EMID1: variants seen among roughly 807,000 people sequenced by gnomAD.
EMID1 encodes the protein EMI domain-containing protein 1.
Under a neutral mutation model 60.6 loss-of-function variants are expected in EMID1, and 40 were observed. The ratio of observed to expected loss-of-function variants is 0.66; its 90% CI spans 0.51 to 0.86. The LOEUF is 0.86. Ranked by LOEUF, EMID1 falls within the 40% of genes least tolerant of loss-of-function variation. EMID1 has a pLI of 0.00. For synonymous variants in EMID1, 242 were observed against 231.0 expected (o/e 1.05, Z -0.43); for missense variants, 585 against 597.1 (o/e 0.98, Z 0.21).
intron 14 of EMID1, chr22:29,255,416 G>A: frequency 7.6e-7 from 1 of 1,320,080 alleles, no homozygotes; most frequent in Non-Finnish European, 1.0e-6. Flanking sequence ...GCCTGGAAAA[G>A]GCCTGGGCAT....
intron 12 of EMID1, among the ~76,000 whole-genome samples, chr22:29,237,534 CACGCCT>C (rs2040998747): frequency 6.9e-6 from 1 of 143,934 alleles, no homozygotes; most frequent in Non-Finnish European, 1.5e-5. Flanking sequence ...CACGGTGGCT[CACGCCT>C]ATAATCCCAG....
intron 3 of EMID1, among the ~76,000 whole-genome samples, chr22:29,222,754 T>C (rs1347481446): frequency 6.6e-6 from 1 of 152,178 alleles, no homozygotes; most frequent in Non-Finnish European, 1.5e-5. Context: ...GTTTGCTTGC[T>C]CAAAATTTAT....
intron 1 of EMID1, among the ~76,000 whole-genome samples, chr22:29,210,168 C>T (rs13054918): frequency 0.045 from 6,854 of 152,044 alleles, 239 homozygotes; most frequent in African/African-American, 0.088. Context: ...TCTGGCTAGC[C>T]GGCCACCAGC....
At chr22:29,207,932 C>G (rs1216392640) in intron 1 of EMID1, among the ~76,000 whole-genome samples, 2 of 152,312 alleles carry the variant, frequency 1.3e-5, no homozygotes, top group African/African-American at 4.8e-5. Flanking sequence ...CAGCCTTGGA[C>G]AGAATGGAGA....
intron 12 of EMID1, among the ~76,000 whole-genome samples, chr22:29,243,020 A>T (rs891463755): frequency 1.3e-5 from 2 of 152,144 alleles, no homozygotes; most frequent in African/African-American, 4.8e-5. Context: ...AGGAACATTT[A>T]TGCAGATTTA....
At chr22:29,234,101 C>A (rs1454712585) in intron 10 of EMID1, 36 bp from the exon 11 acceptor site, 1 of 1,557,960 alleles carries the variant, frequency 6.4e-7, no homozygotes, top group Non-Finnish European at 8.7e-7. Flanking sequence ...TCCATCCTGC[C>A]CCAACACAAG....
chr22:29,231,489 C>A, intron 6 of EMID1, 104 bp from the exon 7 acceptor site: 2 of 1,229,420 alleles, frequency 1.6e-6, no homozygotes, highest in Non-Finnish European at 2.3e-6. Flanking sequence ...GTGTGAGGGT[C>A]CCGCTGCTTC....
rs559240897 is a variant in EMID1, at chr22:29,218,688, C to T, written c.319+3058C>T. ...CAATGCCAGGGCCATGTCAGGAGGG[C>T]GGGCCGAGCCCCACAATCACCTTTT... On this transcript the variant is annotated intron_variant, in intron 3 of 14. Transcript: ENST00000334018. 3.2e-4 allele frequency among the ~76,000 whole-genome samples: 49 copies of T among 152,326 alleles called. No individual in the cohort carries two copies. The South Asian group carries it at 9.1e-3, about 28-fold the overall frequency.
intron 10 of EMID1, 157 bp from the exon 11 acceptor site, chr22:29,233,980 C>G (rs2040847495): frequency 1.3e-6 from 1 of 790,050 alleles, no homozygotes; most frequent in Middle Eastern, 3.6e-4. Flanking sequence ...TCTTTTAACA[C>G]TGAGCTGTAT....
chr22:29,255,825 T>C (rs2041686637), intron 14 of EMID1, among the ~76,000 whole-genome samples: 1 of 149,620 alleles, frequency 6.7e-6, no homozygotes, highest in Admixed American at 6.6e-5. Flanking sequence ...CTGGGGAGAG[T>C]GAACAGGCAG....
At chr22:29,255,074 C>T (rs2041653949) in intron 14 of EMID1, among the ~76,000 whole-genome samples, 3 of 152,162 alleles carry the variant, frequency 2.0e-5, no homozygotes, top group Admixed American at 1.3e-4. Context: ...ACTCTCCACC[C>T]ATGTGGTTAT....
chr22:29,244,988 A>G (rs1436163437), intron 13 of EMID1, among the ~76,000 whole-genome samples: 2 of 152,052 alleles, frequency 1.3e-5, no homozygotes, highest in East Asian at 1.9e-4. Context: ...GTTAGTGAGG[A>G]TGTGGGTGGC....
At chr22:29,243,346 T>G in intron 12 of EMID1, 99 bp from the exon 13 acceptor site, 3 of 1,209,918 alleles carry the variant, frequency 2.5e-6, no homozygotes, top group African/African-American at 1.5e-5. Context: ...TTCTCTAAGT[T>G]TCTCTCCCTT....
Position 29,211,580 on chromosome 22 carries a change from CTG to C in EMID1, c.102-3338_102-3337del, listed in dbSNP as rs2039885404. Among the ~76,000 whole-genome samples the C allele has an allele frequency of 2.0e-5, 3 of 151,592 alleles. No individual in the cohort carries two copies. In the South Asian group the frequency reaches 6.3e-4, roughly 32 times the overall value. ...GTCCATGCATTGTGTGTACATATGC[CTG>C]TGTGTGTCTGTGTGTACGTGCTCAC... On this transcript the variant is annotated intron_variant, in intron 1 of 14. Coordinates refer to ENST00000334018, the MANE Select transcript of EMID1 (RefSeq NM_133455.4).
chr22:29,215,137 C>T, intron 2 of EMID1, 98 bp downstream of exon 2: 1 of 1,438,632 alleles, frequency 7.0e-7, no homozygotes, highest in Non-Finnish European at 9.2e-7. Flanking sequence ...TGGGGGAAGA[C>T]TGGACCCCAG....
chr22:29,214,078 G>T (rs146838396), intron 1 of EMID1, among the ~76,000 whole-genome samples: 1 of 152,178 alleles, frequency 6.6e-6, no homozygotes, highest in Non-Finnish European at 1.5e-5. Context: ...AGTGCACTCC[G>T]ATTATTAGTT....
At chr22:29,208,183 ATGGGGGTGTC>A (rs2039747305) in intron 1 of EMID1, among the ~76,000 whole-genome samples, 2 of 152,154 alleles carry the variant, frequency 1.3e-5, no homozygotes, top group African/African-American at 4.8e-5. Flanking sequence ...TGGAGACAGC[ATGGGGGTGTC>A]ATGCCCTGTC....
rs747943370 is a variant in EMID1, at chr22:29,254,283, C to G, written c.1200C>G (p.Leu400=). 1 of 1,613,968 alleles carries G rather than the reference C, an allele frequency of 6.2e-7. No homozygotes were observed. The highest frequency in any genetic ancestry group is 8.5e-7 in the Non-Finnish European group (1 of 1,179,848). ...TAATCTTGGAAACAATGATTGGGCT[C>G]TATGGTGAGTAGAGACAGACAGACG... ...RVLILETMIG[L]YEPELGSGAG... is the part of the protein sequence containing the mutation. Residue 400 remains leucine, a synonymous_variant, in exon 14 of 15, where the codon CTC becomes CTG. Coordinates refer to ENST00000334018, the MANE Select transcript of EMID1 (RefSeq NM_133455.4).
At chr22:29,248,432 T>G (rs1043664418) in intron 13 of EMID1, among the ~76,000 whole-genome samples, 1 of 152,108 alleles carries the variant, frequency 6.6e-6, no homozygotes, top group Admixed American at 6.6e-5. Context: ...AGCTGTCATC[T>G]CCTATGATAA....
Sources: allele counts gnomAD v4.1 joint callset (sites outside exome capture counted in the v4.1 genomes callset), GRCh38; gene constraint gnomAD v4.1.1; transcripts MANE v1.5; gene names NCBI Gene and HGNC (gene_info 2026-07-23, HGNC 2026-07-21).